The following DCC variants were observed in gnomAD, a reference collection of about 807,000 sequenced individuals.
The protein encoded by DCC is netrin receptor DCC.
DCC carries 58 observed loss-of-function variants against 172.5 expected under a neutral mutation model. The ratio of observed to expected loss-of-function variants is 0.34; its 90% CI spans 0.27 to 0.42. The LOEUF (loss-of-function observed/expected upper bound fraction) is 0.42, where lower values mean the gene tolerates loss of function less well. Ranked by LOEUF, DCC falls within the 10% of genes least tolerant of loss-of-function variation. DCC has a pLI of 1.00. For synonymous variants in DCC, 709 were observed against 644.5 expected, an observed-to-expected ratio of 1.10 and a Z score of -1.52; for missense variants, 1,740 against 1,791.0, an observed-to-expected ratio of 0.97 and a Z score of 0.51.
At chr18:52,554,581 G>T (rs966534820) in intron 1 of DCC, among the ~76,000 whole-genome samples, 5 of 152,122 alleles carry the variant, frequency 3.3e-5, no homozygotes, top group African/African-American at 1.2e-4. Flanking sequence ...GGGGATTTTA[G>T]TTGGTGCTAA....
At chr18:52,417,227 T>C (rs563063467) in intron 1 of DCC, among the ~76,000 whole-genome samples, 1 of 152,340 alleles carries the variant, frequency 6.6e-6, no homozygotes, top group East Asian at 1.9e-4. Context: ...TTGTAGAGTT[T>C]CTGCCGAGAG....
chr18:52,525,718 G>GA (rs1420415062), intron 1 of DCC, among the ~76,000 whole-genome samples: 1 of 152,128 alleles, frequency 6.6e-6, no homozygotes, highest in East Asian at 1.9e-4. Flanking sequence ...GTGGAGAACA[G>GA]AAAAATGTGA....
intron 2 of DCC, among the ~76,000 whole-genome samples, chr18:52,764,565 C>T (rs191917281): frequency 1.4e-4 from 21 of 152,218 alleles, no homozygotes; most frequent in African/African-American, 4.8e-4. Flanking sequence ...CCCTCTCCCT[C>T]TTGTTTCCTC....
intron 1 of DCC, among the ~76,000 whole-genome samples, chr18:52,742,784 C>G (rs1167340170): frequency 3.9e-5 from 6 of 151,956 alleles, no homozygotes; most frequent in Non-Finnish European, 8.8e-5. Flanking sequence ...AATGAGTTCC[C>G]CTTTGAGAAA....
chr18:52,964,084 C>T (rs1042040114), intron 5 of DCC, among the ~76,000 whole-genome samples: 2 of 152,110 alleles, frequency 1.3e-5, no homozygotes, highest in Admixed American at 1.3e-4. Context: ...CAGTTAGAGA[C>T]AGGCATATTC....
intron 1 of DCC, among the ~76,000 whole-genome samples, chr18:52,374,907 C>T (rs1203749694): frequency 1.3e-5 from 2 of 152,162 alleles, no homozygotes; most frequent in African/African-American, 4.8e-5. Context: ...TGTTACACTC[C>T]TTTTTTTCTC....
At chr18:52,627,818 G>A (rs1180050066) in intron 1 of DCC, among the ~76,000 whole-genome samples, 1 of 152,154 alleles carries the variant, frequency 6.6e-6, no homozygotes, top group African/African-American at 2.4e-5. Context: ...CTGGTCATTT[G>A]CTTGGTGTTA....
intron 1 of DCC, among the ~76,000 whole-genome samples, chr18:52,611,290 C>A (rs1385447864): frequency 6.6e-6 from 1 of 152,152 alleles, no homozygotes. Context: ...AGGAGTTCAT[C>A]AAGGTCCCAT....
chr18:53,369,771 A>G (rs1232819153), intron 15 of DCC, among the ~76,000 whole-genome samples: 1 of 151,838 alleles, frequency 6.6e-6, no homozygotes, highest in Non-Finnish European at 1.5e-5. Context: ...GATTACATTG[A>G]TTAATTTTTG....
intron 2 of DCC, among the ~76,000 whole-genome samples, chr18:52,752,875 GTTTCC>G (rs2037019165): frequency 6.6e-6 from 1 of 151,924 alleles, no homozygotes; most frequent in Non-Finnish European, 1.5e-5. Context: ...TGCCTGGCAT[GTTTCC>G]CTTAGCATAA....
intron 1 of DCC, among the ~76,000 whole-genome samples, chr18:52,484,238 C>T (rs1750763864): frequency 6.6e-6 from 1 of 152,120 alleles, no homozygotes; most frequent in Non-Finnish European, 1.5e-5. Context: ...CCATCCTACT[C>T]AGTCTGCCCA....
At chr18:52,456,720 A>G (rs1246999891) in intron 1 of DCC, among the ~76,000 whole-genome samples, 2 of 152,176 alleles carry the variant, frequency 1.3e-5, no homozygotes, top group South Asian at 2.1e-4. Flanking sequence ...GTTGAATTAC[A>G]TATAGAATTC....
intron 2 of DCC, among the ~76,000 whole-genome samples, chr18:52,768,242 G>T (rs1303036873): frequency 6.6e-6 from 1 of 152,118 alleles, no homozygotes; most frequent in South Asian, 2.1e-4. Context: ...GTCTTACCTG[G>T]GGAACATGTG....
At chr18:52,886,722 T>C (rs552292405) in intron 2 of DCC, among the ~76,000 whole-genome samples, 1 of 152,118 alleles carries the variant, frequency 6.6e-6, no homozygotes, top group African/African-American at 2.4e-5. Context: ...CAGAGTCTCT[T>C]TAGCGATATG....
chr18:52,975,224 G>A (rs2041097971), intron 5 of DCC, among the ~76,000 whole-genome samples: 1 of 152,186 alleles, frequency 6.6e-6, no homozygotes, highest in African/African-American at 2.4e-5. Context: ...GGCAAGGTTG[G>A]TCTTGGTTGG....
chr18:52,906,936 G>A (rs560993198), intron 3 of DCC, among the ~76,000 whole-genome samples: 59 of 151,950 alleles, frequency 3.9e-4, no homozygotes, highest in Middle Eastern at 3.4e-3. Flanking sequence ...ATACTGTAGT[G>A]CCAGACAGAA....
chr18:52,976,584 GACA>G (rs1448604575), intron 5 of DCC, among the ~76,000 whole-genome samples: 1 of 152,122 alleles, frequency 6.6e-6, no homozygotes, highest in Non-Finnish European at 1.5e-5. Flanking sequence ...TTCCATCCAT[GACA>G]ACATTTAAAG....
chr18:52,731,797 G>T (rs1035434133), intron 1 of DCC, among the ~76,000 whole-genome samples: 1 of 151,940 alleles, frequency 6.6e-6, no homozygotes, highest in East Asian at 1.9e-4. Flanking sequence ...AATATATAAT[G>T]CTCTGTGATT....
At position 52,743,138 on chromosome 18, in the gene DCC, T is replaced by G. The variant is rs541599824; in HGVS notation, c.92-8916T>G. On this transcript the variant is annotated intron_variant, in intron 1 of 28. Coordinates refer to ENST00000442544, the MANE Select transcript of DCC (RefSeq NM_005215.4). ...ATGGCATCTCCAAAGCTTGTCTACTTGGCTGCCATCAAAATGGAGAAAATC... is the reference window on the plus strand; with the variant it reads ...ATGGCATCTCCAAAGCTTGTCTACTGGGCTGCCATCAAAATGGAGAAAATC... Among the ~76,000 whole-genome samples, 5 of 152,308 alleles carry G rather than the reference T, an allele frequency of 3.3e-5. No individual in the cohort carries two copies. In the South Asian group the frequency reaches 1.0e-3, roughly 32 times the overall value.
Sources: allele counts gnomAD v4.1 joint callset (sites outside exome capture counted in the v4.1 genomes callset), GRCh38; gene constraint gnomAD v4.1.1; transcripts MANE v1.5; gene names NCBI Gene and HGNC (gene_info 2026-07-23, HGNC 2026-07-21).